CDYL2: variants seen among roughly 807,000 people sequenced by gnomAD.
CDYL2 encodes chromodomain Y-like protein 2.
CDYL2 carries 23 observed loss-of-function variants against 49.4 expected under a neutral mutation model. The ratio of observed to expected loss-of-function variants is 0.47; its 90% CI spans 0.34 to 0.66. The LOEUF (loss-of-function observed/expected upper bound fraction) is 0.66, where lower values mean the gene tolerates loss of function less well. Ranked by LOEUF, CDYL2 falls within the 30% of genes least tolerant of loss-of-function variation. The pLI is 0.01. For synonymous variants in CDYL2, 360 were observed against 268.8 expected (o/e 1.34, Z -3.32); for missense variants, 678 against 656.4 (o/e 1.03, Z -0.36).
intron 2 of CDYL2, among the ~76,000 whole-genome samples, chr16:80,666,945 C>A (rs994171968): frequency 4.6e-5 from 7 of 152,228 alleles, no homozygotes; most frequent in African/African-American, 1.4e-4. Flanking sequence ...CATCCCTCCC[C>A]TGTGGAGCTT....
At chr16:80,653,980 G>A (rs1237881691) in intron 2 of CDYL2, among the ~76,000 whole-genome samples, 2 of 152,174 alleles carry the variant, frequency 1.3e-5, no homozygotes, top group African/African-American at 2.4e-5. Context: ...TCTTCCTCAT[G>A]CATGGGGCTG....
At chr16:80,704,900 G>C (rs949493164) in intron 1 of CDYL2, among the ~76,000 whole-genome samples, 11 of 152,262 alleles carry the variant, frequency 7.2e-5, no homozygotes, top group African/African-American at 2.6e-4. Context: ...CTGATCCTAA[G>C]TGCAAAATAA....
rs1252999175 is a variant in CDYL2, at chr16:80,804,112, G to T, written c.24+38C>A. 1.1e-5 allele frequency: 11 copies of T among 1,033,100 alleles called. No individual in the cohort carries two copies. The African/African-American group carries it at 1.1e-4, about 10-fold the overall frequency. 64.0% of individuals were successfully genotyped at this position (1,033,100 alleles called of 1,614,324 possible). A position where few individuals can be genotyped will look rare whatever the true frequency, so the allele number is the denominator to read the frequency against. ...CCGCCGCCGCCGCCCGCCGCCGCCC[G>T]CTGACTGGGGCCGGCCCGCGCCCCC... is the stretch of plus-strand genomic sequence containing the variant. On this transcript the variant is annotated intron_variant, in intron 1 of 6. Transcript: ENST00000570137.
rs201151824 is a variant in CDYL2 at position 80,612,797 on chromosome 16, G to A, written c.1047C>T (p.Ile349=). ...VKAFIQFKKP[I]VVAINGPALG... ...GGGCCGGCCCATTGATGGCCACCACGATAGGCTTCTTAAACTGGATAAAGG... is the reference window on the plus strand; with the variant it reads ...GGGCCGGCCCATTGATGGCCACCACAATAGGCTTCTTAAACTGGATAAAGG... Residue 349 remains isoleucine (I), a synonymous_variant, in exon 5 of 7, where the codon ATC becomes ATT. Coordinates refer to ENST00000570137, the MANE Select transcript of CDYL2 (RefSeq NM_152342.4). This position sits in a 1 kb window ranked among gnomAD's most constrained non-coding sequence, Gnocchi z 5.0. 4.3e-5 allele frequency: 69 copies of A among 1,613,832 alleles called. No individual in the cohort carries two copies. Among genetic ancestry groups the A allele is most frequent in the Admixed American group, 6.7e-5 (4 of 60,014 alleles).
intron 1 of CDYL2, among the ~76,000 whole-genome samples, chr16:80,725,719 G>A (rs1567586080): frequency 6.6e-6 from 1 of 152,162 alleles, no homozygotes; most frequent in Non-Finnish European, 1.5e-5. Context: ...AAAACACTTG[G>A]CATATTTTGC....
chr16:80,726,181 T>C (rs1905156931), intron 1 of CDYL2, among the ~76,000 whole-genome samples: 1 of 152,224 alleles, frequency 6.6e-6, no homozygotes. Flanking sequence ...TAAGATTCTA[T>C]TTTTGCGTAC....
chr16:80,632,895 T>G, intron 3 of CDYL2, 124 bp downstream of exon 3: 1 of 920,352 alleles, frequency 1.1e-6, no homozygotes, highest in Non-Finnish European at 1.7e-6. Context: ...TGCAGTCAAG[T>G]TTTTATGCAC....
intron 1 of CDYL2, among the ~76,000 whole-genome samples, chr16:80,690,845 A>G (rs1322744814): frequency 1.3e-5 from 2 of 152,168 alleles, no homozygotes; most frequent in Non-Finnish European, 2.9e-5. Context: ...CATTGGTCCA[A>G]ATGGAAACAG....
Position 80,790,798 on chromosome 16 carries a change from C to G in CDYL2, c.24+13352G>C, listed in dbSNP as rs1435397248. Among the ~76,000 whole-genome samples the G allele has an allele frequency of 3.3e-5, 5 of 152,282 alleles. No homozygotes were observed. In the East Asian group the frequency reaches 9.6e-4, roughly 29 times the overall value. Reference sequence around the variant, plus strand: ...ACTCTTGATCACCAGGAGAGCTAAACAAGACTCAAGGCTGTGCTGAGCCTC... The same window carrying G: ...ACTCTTGATCACCAGGAGAGCTAAAGAAGACTCAAGGCTGTGCTGAGCCTC... On this transcript the variant is annotated intron_variant, in intron 1 of 6. Transcript: ENST00000570137.
At chr16:80,785,167 G>A (rs1356843767) in intron 1 of CDYL2, among the ~76,000 whole-genome samples, 6 of 152,048 alleles carry the variant, frequency 3.9e-5, no homozygotes, top group Admixed American at 3.9e-4. Flanking sequence ...GAGGGGAAGT[G>A]AAATTGTTTC....
chr16:80,630,732 G>A (rs1261344368), intron 3 of CDYL2, among the ~76,000 whole-genome samples: 1 of 152,252 alleles, frequency 6.6e-6, no homozygotes, highest in South Asian at 2.1e-4. Context: ...TTTAGCCACA[G>A]TGCTTCCCTC....
intron 1 of CDYL2, among the ~76,000 whole-genome samples, chr16:80,686,025 G>A (rs988057884): frequency 6.6e-6 from 1 of 152,190 alleles, no homozygotes; most frequent in Non-Finnish European, 1.5e-5. Context: ...GTCCCTGTGG[G>A]TGTACACCAC....
At chr16:80,732,619 G>A (rs555188352) in intron 1 of CDYL2, among the ~76,000 whole-genome samples, 6 of 152,264 alleles carry the variant, frequency 3.9e-5, no homozygotes, top group African/African-American at 1.4e-4. Flanking sequence ...TTTGTACCAT[G>A]AGCATGTTTT....
intron 2 of CDYL2, among the ~76,000 whole-genome samples, chr16:80,642,310 G>C (rs544017054): frequency 8.5e-5 from 13 of 152,218 alleles, no homozygotes; most frequent in African/African-American, 3.1e-4. Flanking sequence ...GGGCATGGTG[G>C]CATGCCCCTG....
At chr16:80,614,621 T>C (rs1433710068) in intron 4 of CDYL2, among the ~76,000 whole-genome samples, 1 of 152,112 alleles carries the variant, frequency 6.6e-6, no homozygotes, top group African/African-American at 2.4e-5. Flanking sequence ...ATCCCAGCAG[T>C]GTGGGAGGCC....
chr16:80,668,793 GGAGGCT>G (rs1241588724), intron 2 of CDYL2, among the ~76,000 whole-genome samples: 1 of 151,988 alleles, frequency 6.6e-6, no homozygotes, highest in African/African-American at 2.4e-5. Context: ...CAGCTACTCA[GGAGGCT>G]GAGGCAGGAC....
Position 80,684,730 on chromosome 16 carries a change from T to C in CDYL2, c.424A>G (p.Ser142Gly). The change falls in exon 2 of 7, where the codon AGT (serine) becomes GGT (glycine). Residue 142 changes from serine (S) to glycine (G), a missense_variant. Ser to Gly is a moderately conservative substitution (Grantham distance 56, BLOSUM62 0). Coordinates refer to ENST00000570137, the MANE Select transcript of CDYL2 (RefSeq NM_152342.4). ...TTCAGGGGCATTATTTGCAAACCAC[T>C]GGGGGTAGTCCTGTAAGACACCGTC... Reference protein sequence around the residue: ...TKTVSYRTTPSGLQIMPLKKS... With the variant: ...TKTVSYRTTPGGLQIMPLKKS... 6.2e-7 allele frequency: 1 copy of C among 1,614,112 alleles called. No homozygotes were observed. The highest frequency in any genetic ancestry group is 8.5e-7 in the Non-Finnish European group (1 of 1,180,008).
chr16:80,689,992 A>G (rs1910348575), intron 1 of CDYL2, among the ~76,000 whole-genome samples: 1 of 151,858 alleles, frequency 6.6e-6, no homozygotes, highest in African/African-American at 2.4e-5. Flanking sequence ...GTGGTGGCAT[A>G]TGTCTGTAAT....
chr16:80,688,086 T>C (rs1460083580), intron 1 of CDYL2, among the ~76,000 whole-genome samples: 1 of 152,146 alleles, frequency 6.6e-6, no homozygotes, highest in African/African-American at 2.4e-5. Flanking sequence ...GGGTGCAGGG[T>C]CTAGATGGCT....
Sources: gnomAD v4.1 joint callset for allele counts (sites outside exome capture counted in the v4.1 genomes callset) on GRCh38, gnomAD v4.1.1 for gene constraint, Gnocchi (gnomAD v3.1) non-coding constraint, MANE v1.5 for transcripts, NCBI Gene and HGNC (gene_info 2026-07-23, HGNC 2026-07-21) for gene names.